NREP: variants seen among roughly 807,000 people sequenced by gnomAD.
NREP encodes neuronal regeneration-related protein.
Under a neutral mutation model 8.6 loss-of-function variants are expected in NREP, and 5 were observed. That is an observed-to-expected ratio of 0.58 (90% CI 0.30 to 1.22). The LOEUF (loss-of-function observed/expected upper bound fraction) is 1.22. NREP is among the 50% of genes most tolerant of loss of function. The pLI is 0.07. For synonymous variants in NREP, 27 were observed against 28.0 expected (o/e 0.96, Z 0.11); for missense variants, 86 against 82.5 (o/e 1.04, Z -0.17).
At chr5:111,880,799 T>C (rs1463840307) in intron 2 of NREP, among the ~76,000 whole-genome samples, 1 of 146,818 alleles carries the variant, frequency 6.8e-6, no homozygotes, top group African/African-American at 2.6e-5. Context: ...TGCAGTGCCG[T>C]GATCATGGCT....
intron 2 of NREP, among the ~76,000 whole-genome samples, chr5:111,937,057 T>A (rs1366211500): frequency 6.6e-6 from 1 of 152,080 alleles, no homozygotes; most frequent in East Asian, 1.9e-4. Context: ...TTCTTTACAA[T>A]TGACAATAGG....
intron 2 of NREP, among the ~76,000 whole-genome samples, chr5:111,894,147 A>C (rs1754454980): frequency 6.6e-6 from 1 of 152,100 alleles, no homozygotes; most frequent in Admixed American, 6.5e-5. Flanking sequence ...TGAACCCAGG[A>C]GGCAGAGGTT....
At chr5:111,894,396 G>C (rs893244367) in intron 2 of NREP, among the ~76,000 whole-genome samples, 1 of 151,812 alleles carries the variant, frequency 6.6e-6, no homozygotes, top group African/African-American at 2.4e-5. Flanking sequence ...CTGTGGTTAA[G>C]GCTCAGAATA....
intron 2 of NREP, among the ~76,000 whole-genome samples, chr5:111,813,387 TA>T (rs1174629022): frequency 6.6e-6 from 1 of 152,194 alleles, no homozygotes. Flanking sequence ...CTTTTGAGGA[TA>T]AATCATTTAC....
intron 2 of NREP, among the ~76,000 whole-genome samples, chr5:111,869,273 G>T (rs1355060780): frequency 6.6e-6 from 1 of 152,172 alleles, no homozygotes; most frequent in East Asian, 1.9e-4. Context: ...CATTAAAAAT[G>T]ATTCATCTGC....
At chr5:111,771,473 A>T (rs1196290912) in intron 2 of NREP, among the ~76,000 whole-genome samples, 1 of 151,520 alleles carries the variant, frequency 6.6e-6, no homozygotes, top group African/African-American at 2.4e-5. Context: ...ACATATGCAC[A>T]CTTGAACATT....
chr5:111,932,472 A>G (rs530811118), intron 2 of NREP, among the ~76,000 whole-genome samples: 1 of 152,284 alleles, frequency 6.6e-6, no homozygotes, highest in South Asian at 2.1e-4. Context: ...TGAGTCAGAA[A>G]TAGTACAAGA....
At chr5:111,766,328 A>G (rs1751082877) in intron 2 of NREP, among the ~76,000 whole-genome samples, 1 of 152,218 alleles carries the variant, frequency 6.6e-6, no homozygotes, top group Non-Finnish European at 1.5e-5. Context: ...ATATCAGGAC[A>G]GTTCCAAGAA....
At chr5:111,753,118 G>A (rs1313457797) in intron 2 of NREP, among the ~76,000 whole-genome samples, 1 of 151,432 alleles carries the variant, frequency 6.6e-6, no homozygotes, top group Non-Finnish European at 1.5e-5. Flanking sequence ...ACAAAAAGTT[G>A]GAGAATGACT....
intron 2 of NREP, among the ~76,000 whole-genome samples, chr5:111,924,986 C>A (rs983046722): frequency 6.6e-6 from 1 of 152,024 alleles, no homozygotes; most frequent in Non-Finnish European, 1.5e-5. Context: ...AATAGTAGGT[C>A]CCCCCAGCTA....
At position 111,925,173 on chromosome 5, in the gene NREP, C is replaced by T. The variant is rs750293557; in HGVS notation, c.135+50101G>A. ...TCCAGAATCACCCAGGGCTCCTGGG[C>T]GTAACGGCAGTTTGGGCCACTAGAG... On this transcript the variant is annotated intron_variant, in intron 2 of 3. Coordinates refer to the NREP transcript ENST00000395634. 2.9e-4 allele frequency among the ~76,000 whole-genome samples: 44 copies of T among 152,076 alleles called. 1 individual carries two copies. Among genetic ancestry groups the T allele is most frequent in the African/African-American group, 9.4e-4 (39 of 41,418 alleles).
At chr5:111,875,008 A>C (rs1255390858) in intron 2 of NREP, among the ~76,000 whole-genome samples, 1 of 152,204 alleles carries the variant, frequency 6.6e-6, no homozygotes, top group Admixed American at 6.5e-5. Flanking sequence ...CCAGTCACTC[A>C]TCTTTTGAAC....
intron 2 of NREP, among the ~76,000 whole-genome samples, chr5:111,927,437 G>A (rs2112591596): frequency 6.6e-6 from 1 of 152,226 alleles, no homozygotes; most frequent in South Asian, 2.1e-4. Flanking sequence ...CTTGCCCTCT[G>A]AGATAAGCGC....
At chr5:111,961,318 G>A (rs1314485857) in intron 2 of NREP, among the ~76,000 whole-genome samples, 10 of 152,214 alleles carry the variant, frequency 6.6e-5, no homozygotes. Context: ...ATTTAAGTCT[G>A]AAGAGGAAAA....
chr5:111,793,795 A>G (rs377533661), intron 2 of NREP, among the ~76,000 whole-genome samples: 1 of 152,326 alleles, frequency 6.6e-6, no homozygotes, highest in East Asian at 1.9e-4. Flanking sequence ...ACAGTGGCTC[A>G]TGTCTGTAAT....
rs555569344 is a variant in NREP, at chr5:111,903,942, G to A, written c.135+71332C>T. ...TACTTTTTTAGAGTCAAAAGTTTTC[G>A]GTAACCTCAATTTAGTCTACCAATT... On this transcript the variant is annotated intron_variant, in intron 2 of 3. Coordinates refer to the NREP transcript ENST00000395634. 2.7e-4 allele frequency among the ~76,000 whole-genome samples: 41 copies of A among 151,924 alleles called. No individual in the cohort carries two copies. The South Asian group carries it at 6.9e-3, about 25-fold the overall frequency.
intron 2 of NREP, among the ~76,000 whole-genome samples, chr5:111,773,670 A>G (rs1751289725): frequency 6.6e-6 from 1 of 152,228 alleles, no homozygotes; most frequent in Non-Finnish European, 1.5e-5. Flanking sequence ...GGAAGACTCT[A>G]GGACCAAAAT....
intron 2 of NREP, among the ~76,000 whole-genome samples, chr5:111,919,705 C>T (rs1224590015): frequency 6.6e-6 from 1 of 152,022 alleles, no homozygotes; most frequent in Non-Finnish European, 1.5e-5. Flanking sequence ...GGGAACATCA[C>T]ACACCGGGGC....
At chr5:111,845,092 A>G (rs1246761224) in intron 2 of NREP, among the ~76,000 whole-genome samples, 1 of 152,054 alleles carries the variant, frequency 6.6e-6, no homozygotes, top group Non-Finnish European at 1.5e-5. Context: ...TCGGACTGCA[A>G]GGGCCAGCTT....
Sources: allele counts gnomAD v4.1 joint callset (sites outside exome capture counted in the v4.1 genomes callset), GRCh38; gene constraint gnomAD v4.1.1; transcripts MANE v1.5; gene names NCBI Gene and HGNC (gene_info 2026-07-23, HGNC 2026-07-21).